Variants in MANBAL observed in about 807,000 individuals in gnomAD.
The protein encoded by MANBAL is mannosidase beta like, also known as protein MANBAL.
A neutral mutation model predicts 6.4 loss-of-function variants in MANBAL; 1 was observed. The observed-to-expected ratio is 0.16, with a 90% confidence interval of 0.06 to 0.74. The LOEUF (loss-of-function observed/expected upper bound fraction) is 0.74, where lower values mean the gene tolerates loss of function less well. Ranked by LOEUF, MANBAL falls within the 30% of genes least tolerant of loss-of-function variation. The probability of loss-of-function intolerance (pLI) is 0.78; values close to 1 mark genes in which losing one functional copy is unlikely to be tolerated. For synonymous variants in MANBAL, 47 were observed against 45.8 expected, an observed-to-expected ratio of 1.03 and a Z score of -0.10; for missense variants, 100 against 107.8, an observed-to-expected ratio of 0.93 and a Z score of 0.32.
At chr20:37,301,017 C>G (rs183838395) in intron 1 of MANBAL, among the ~76,000 whole-genome samples, 191 bp from the exon 2 acceptor site, 1 of 152,096 alleles carries the variant, frequency 6.6e-6, no homozygotes, top group Admixed American at 6.6e-5. Flanking sequence ...TTGGCCCACA[C>G]CTGTAATCCC....
intron 1 of MANBAL, among the ~76,000 whole-genome samples, chr20:37,299,250 T>A (rs1012462935): frequency 1.3e-5 from 2 of 151,796 alleles, no homozygotes; most frequent in Non-Finnish European, 2.9e-5. Context: ...CCTAATTTAT[T>A]ATTTTTTTTG....
At chr20:37,315,311 G>C (rs752046828) in intron 2 of MANBAL, among the ~76,000 whole-genome samples, 1 of 152,208 alleles carries the variant, frequency 6.6e-6, no homozygotes, top group African/African-American at 2.4e-5. Context: ...TGTGGTTGGC[G>C]TTCTCTGGGC....
At chr20:37,291,374 C>G (rs2068865809) in intron 1 of MANBAL, among the ~76,000 whole-genome samples, 1 of 152,024 alleles carries the variant, frequency 6.6e-6, no homozygotes, top group Admixed American at 6.6e-5. Flanking sequence ...CCCTAATGTC[C>G]TTTTTCTGTC....
At chr20:37,310,555 TA>T (rs1404886802) in intron 2 of MANBAL, among the ~76,000 whole-genome samples, 9 of 152,354 alleles carry the variant, frequency 5.9e-5, no homozygotes. Context: ...TTTACAGGAC[TA>T]AATCCACATT....
chr20:37,302,877 GC>G (rs2069169859), intron 2 of MANBAL, among the ~76,000 whole-genome samples: 1 of 151,706 alleles, frequency 6.6e-6, no homozygotes, highest in Non-Finnish European at 1.5e-5. Flanking sequence ...GTCTTTGATA[GC>G]TTCCTTGCTT....
At chr20:37,301,693 C>G (rs902885062) in intron 2 of MANBAL, among the ~76,000 whole-genome samples, 1 of 152,188 alleles carries the variant, frequency 6.6e-6, no homozygotes, top group African/African-American at 2.4e-5. Context: ...GGGAGGAAGG[C>G]AGATAACAAA....
In MANBAL at chr20:37,301,406, A is replaced by G. The variant is rs1232536650; in HGVS notation, c.143A>G (p.His48Arg). The change falls in exon 2 of 3, where the codon CAC (histidine) becomes CGC (arginine). Residue 48 changes from histidine (H) to arginine (R), a missense_variant. Physicochemically the swap from His to Arg is conservative, Grantham distance 29 (BLOSUM62 0). Transcript: ENST00000373606. ...LAIIVPIPKS[H>R]EAEAEPSEPR... ...ATCATCGTACCCATTCCCAAGTCCC[A>G]CGAGGCGGTGAGTTTTTCCCTGGGA... 5 of 1,611,214 alleles carry G rather than the reference A, an allele frequency of 3.1e-6. No homozygotes were observed. Among genetic ancestry groups the G allele is most frequent in the Non-Finnish European group, 3.4e-6 (4 of 1,178,278 alleles).
intron 2 of MANBAL, among the ~76,000 whole-genome samples, chr20:37,316,009 G>C (rs2069504547): frequency 6.6e-6 from 1 of 152,246 alleles, no homozygotes; most frequent in South Asian, 2.1e-4. Flanking sequence ...CCAAGACACA[G>C]AAAGGGGAAG....
At chr20:37,308,453 A>T (rs2069308230) in intron 2 of MANBAL, among the ~76,000 whole-genome samples, 1 of 152,096 alleles carries the variant, frequency 6.6e-6, no homozygotes, top group Non-Finnish European at 1.5e-5. Flanking sequence ...TGACACCACC[A>T]CTGTGTTCCA....
intron 2 of MANBAL, among the ~76,000 whole-genome samples, chr20:37,306,717 G>A (rs986574260): frequency 2.0e-5 from 3 of 152,176 alleles, no homozygotes; most frequent in African/African-American, 7.2e-5. Flanking sequence ...TGCCAAGTCT[G>A]ATCAATTGCT....
intron 2 of MANBAL, among the ~76,000 whole-genome samples, chr20:37,302,520 A>G (rs985105740): frequency 6.6e-6 from 1 of 152,250 alleles, no homozygotes; most frequent in African/African-American, 2.4e-5. Context: ...GTCGTTGCTT[A>G]GATCCATTAT....
At chr20:37,313,598 C>T (rs1325722019) in intron 2 of MANBAL, among the ~76,000 whole-genome samples, 1 of 151,770 alleles carries the variant, frequency 6.6e-6, no homozygotes, top group East Asian at 1.9e-4. Flanking sequence ...TCTAGCTACT[C>T]AGGAGGCTGA....
intron 2 of MANBAL, among the ~76,000 whole-genome samples, chr20:37,310,987 G>A (rs997617447): frequency 6.6e-6 from 1 of 152,188 alleles, no homozygotes; most frequent in Non-Finnish European, 1.5e-5. Flanking sequence ...TACAGGCCCT[G>A]TGTGGCTGGG....
intron 2 of MANBAL, among the ~76,000 whole-genome samples, chr20:37,310,664 TAGC>T (rs2069366064): frequency 6.6e-6 from 1 of 152,266 alleles, no homozygotes; most frequent in African/African-American, 2.4e-5. Context: ...ATCTGATGAA[TAGC>T]AGCAATTTTC....
intron 2 of MANBAL, among the ~76,000 whole-genome samples, chr20:37,315,084 G>A (rs184045446): frequency 5.9e-4 from 90 of 152,330 alleles, no homozygotes; most frequent in African/African-American, 2.1e-3. Context: ...AGTGCTGGGG[G>A]CGGCAGGGTG....
At chr20:37,299,076 T>G (rs1172364463) in intron 1 of MANBAL, among the ~76,000 whole-genome samples, 1 of 55,718 alleles carries the variant, frequency 1.8e-5, no homozygotes, top group Non-Finnish European at 3.6e-5. Context: ...GGTGGCAGGG[T>G]GGGGTGGGGG....
intron 1 of MANBAL, among the ~76,000 whole-genome samples, 191 bp from the exon 2 acceptor site, chr20:37,301,017 C>A (rs183838395): frequency 2.0e-5 from 3 of 152,214 alleles, no homozygotes; most frequent in Admixed American, 2.0e-4. Flanking sequence ...TTGGCCCACA[C>A]CTGTAATCCC....
rs533292800 is a variant in MANBAL at position 37,305,794 on chromosome 20, G to T, written c.150+4381G>T. On this transcript the variant is annotated intron_variant, in intron 2 of 2. Transcript: ENST00000373606. ...CAAATGGCCCCAGGTTATACAGGGGGTTCTGTCGCTAGCTCTCTGTGTGTC... is the reference window on the plus strand; with the variant it reads ...CAAATGGCCCCAGGTTATACAGGGGTTTCTGTCGCTAGCTCTCTGTGTGTC... Among the ~76,000 whole-genome samples, 3 of 151,732 alleles carry T rather than the reference G, an allele frequency of 2.0e-5. No homozygotes were observed. In the South Asian group the frequency reaches 6.2e-4, roughly 32 times the overall value.
intron 2 of MANBAL, among the ~76,000 whole-genome samples, chr20:37,314,479 G>T (rs6104532): frequency 0.023 from 3,516 of 152,288 alleles, 136 homozygotes; most frequent in African/African-American, 0.08. Context: ...CACTGAAACT[G>T]GAGGAGCCCC....
Sources: gnomAD v4.1 joint callset for allele counts (sites outside exome capture counted in the v4.1 genomes callset) on GRCh38, gnomAD v4.1.1 for gene constraint, MANE v1.5 for transcripts, NCBI Gene and HGNC (gene_info 2026-07-23, HGNC 2026-07-21) for gene names.